SCN8A: variants seen among roughly 807,000 people sequenced by gnomAD.
SCN8A encodes the protein sodium voltage-gated channel alpha subunit 8, also known as sodium channel protein type 8 subunit alpha.
SCN8A carries 30 observed loss-of-function variants against 184.1 expected under a neutral mutation model. The observed-to-expected ratio is 0.16, with a 90% CI of 0.12 to 0.22. The LOEUF (loss-of-function observed/expected upper bound fraction) is 0.22, where lower values mean the gene tolerates loss of function less well. Among genes scored for constraint, SCN8A ranks in the 10% least tolerant of loss-of-function variants. The pLI, the probability that SCN8A is intolerant of heterozygous loss-of-function variation, is 1.00. For missense variants in SCN8A, 1,057 were observed against 2,498.9 expected, an observed-to-expected ratio of 0.42 and a Z score of 12.30; for synonymous variants, 852 against 907.0, an observed-to-expected ratio of 0.94 and a Z score of 1.09.
At chr12:51,766,095 A>C in intron 16 of SCN8A, 68 bp downstream of exon 16, 1 of 1,253,252 alleles carries the variant, frequency 8.0e-7, no homozygotes, top group Non-Finnish European at 1.2e-6. Flanking sequence ...CAGAAGCCCA[A>C]GTCCTTCTAC....
intron 1 of SCN8A, among the ~76,000 whole-genome samples, chr12:51,649,551 G>A (rs950843185): frequency 3.3e-5 from 5 of 152,270 alleles, no homozygotes; most frequent in East Asian, 1.9e-4. Flanking sequence ...CTGTGCCCTC[G>A]CAGGCTCAAC....
At chr12:51,678,632 G>A (rs1415618395) in intron 2 of SCN8A, among the ~76,000 whole-genome samples, 3 of 152,206 alleles carry the variant, frequency 2.0e-5, no homozygotes. Context: ...TTAGGCAGAG[G>A]CAGGGAAGAA....
In SCN8A at chr12:51,721,634, G is replaced by C. The variant is rs1407283442; in HGVS notation, c.1724G>C (p.Arg575Pro). Reference sequence around the variant, plus strand: ...AGTTTCAGGGGACCTGGGCGGTTCCGAGACCCGGGCTCCGAGAATGAGTTC... The same window carrying C: ...AGTTTCAGGGGACCTGGGCGGTTCCCAGACCCGGGCTCCGAGAATGAGTTC... ...IFSFRGPGRF[R>P]DPGSENEFAD... The change falls in exon 12 of 27, where the codon CGA (arginine) becomes CCA (proline). Residue 575 changes from arginine to proline, a missense_variant. This residue lies in a region of SCN8A where 322 missense variants were observed against 390.1 expected (regional missense o/e 0.83). Transcript: ENST00000627620. The C allele has an allele frequency of 1.2e-6, 2 of 1,612,420 alleles. No homozygotes were observed. The highest frequency in any genetic ancestry group is 2.7e-5 in the African/African-American group (2 of 75,032).
At chr12:51,662,322 A>G (rs1215405070) in intron 1 of SCN8A, among the ~76,000 whole-genome samples, 3 of 152,198 alleles carry the variant, frequency 2.0e-5, no homozygotes, top group African/African-American at 2.4e-5. Context: ...AAGAATGACA[A>G]TTTATCCTCA....
chr12:51,660,277 G>A (rs1243606868), intron 1 of SCN8A, among the ~76,000 whole-genome samples: 2 of 152,230 alleles, frequency 1.3e-5, no homozygotes, highest in Non-Finnish European at 2.9e-5. Context: ...AAGACAGGAA[G>A]AAACAGGATC....
intron 1 of SCN8A, among the ~76,000 whole-genome samples, chr12:51,639,876 A>T (rs1187697340): frequency 1.8e-4 from 5 of 28,378 alleles, no homozygotes; most frequent in African/African-American, 2.3e-4. Flanking sequence ...ATTAAGGTAT[A>T]TGCTTTTTTT....
At chr12:51,801,500 A>G (rs1041753679) in intron 26 of SCN8A, among the ~76,000 whole-genome samples, 1 of 152,134 alleles carries the variant, frequency 6.6e-6, no homozygotes, top group Non-Finnish European at 1.5e-5. Flanking sequence ...CCCTTCCTCT[A>G]CATTAAACCA....
At chr12:51,704,876 G>A (rs866105019) in intron 9 of SCN8A, among the ~76,000 whole-genome samples, 2 of 152,168 alleles carry the variant, frequency 1.3e-5, no homozygotes, top group African/African-American at 4.8e-5. Context: ...TCGGGAGGCT[G>A]AGGCAGGAGA....
rs1942902230 is a variant in SCN8A at position 51,770,112 on chromosome 12, A to G, written c.3490+127A>G. ...CTTCAAGAACTTTGCTCCCCACCCC[A>G]CCATTTTGAAGGAAACTTAGATTGT... On this transcript the variant is annotated intron_variant, in intron 18 of 26. Coordinates refer to ENST00000627620, the MANE Select transcript of SCN8A (RefSeq NM_001330260.2). The G allele has an allele frequency of 3.0e-5, 20 of 670,542 alleles. 2 individuals carry two copies. In the South Asian group the frequency reaches 3.5e-4, roughly 12 times the overall value. 41.5% of individuals were successfully genotyped at this position (670,542 alleles called of 1,614,324 possible).
chr12:51,780,789 G>C lies in SCN8A; in HGVS notation c.3942+18G>C, dbSNP rs1937894991. The C allele has an allele frequency of 6.4e-7, 1 of 1,566,330 alleles. No homozygotes were observed. The highest frequency in any genetic ancestry group is 8.6e-7 in the Non-Finnish European group (1 of 1,164,040). On this transcript the variant is annotated intron_variant, in intron 21 of 26. Transcript: ENST00000627620. ...GGATGAGGGTAAGATACTAAGAGCA[G>C]CTGATCCTTCTGCATGCCAGTGGAA...
intron 1 of SCN8A, among the ~76,000 whole-genome samples, chr12:51,614,784 C>T (rs1382668885): frequency 6.3e-5 from 9 of 142,428 alleles, no homozygotes; most frequent in Non-Finnish European, 7.6e-5. Context: ...ACTGTATGTT[C>T]TTTTTTTTTT....
intron 1 of SCN8A, among the ~76,000 whole-genome samples, chr12:51,646,620 T>C (rs1298730090): frequency 6.6e-6 from 1 of 152,152 alleles, no homozygotes; most frequent in East Asian, 1.9e-4. Flanking sequence ...GCAGGAAAAA[T>C]TGTTTGCATC....
intron 1 of SCN8A, among the ~76,000 whole-genome samples, chr12:51,636,537 G>GA (rs749473528): frequency 5.9e-5 from 9 of 152,156 alleles, no homozygotes; most frequent in Non-Finnish European, 1.2e-4. Flanking sequence ...TAGAAAGGTG[G>GA]AGAACAGAAA....
chr12:51,631,170 C>G (rs761201128), intron 1 of SCN8A, among the ~76,000 whole-genome samples: 15 of 152,186 alleles, frequency 9.9e-5, no homozygotes, highest in Non-Finnish European at 1.9e-4. Flanking sequence ...GGCTCCCTCC[C>G]TCTGTGGGAA....
Position 51,810,372 on chromosome 12 carries a change from C to G in SCN8A, c.*2943C>G. On this transcript the variant is annotated 3_prime_UTR_variant, in exon 27 of 27. Transcript: ENST00000627620. ...CTTTGGTAGTAAATGACACCATCACCAGCAGTTTACACCCGCAGTTAACAG... is the reference window on the plus strand; with the variant it reads ...CTTTGGTAGTAAATGACACCATCACGAGCAGTTTACACCCGCAGTTAACAG... The G allele has an allele frequency of 2.3e-6, 1 of 426,092 alleles. No homozygotes were observed. The highest frequency in any genetic ancestry group is 4.7e-6 in the Non-Finnish European group (1 of 212,294). 26.4% of individuals were successfully genotyped at this position (426,092 alleles called of 1,614,324 possible).
chr12:51,633,976 T>C (rs1033991681), intron 1 of SCN8A, among the ~76,000 whole-genome samples: 3 of 152,216 alleles, frequency 2.0e-5, no homozygotes, highest in African/African-American at 7.2e-5. Flanking sequence ...AAGAGAAACT[T>C]ATGTGGGCAC....
At chr12:51,649,421 C>A (rs1324079409) in intron 1 of SCN8A, among the ~76,000 whole-genome samples, 1 of 152,248 alleles carries the variant, frequency 6.6e-6, no homozygotes, top group Non-Finnish European at 1.5e-5. Context: ...CTCTACACTG[C>A]CCTAGCAGAG....
rs531796685 is a variant in SCN8A at position 51,662,900 on chromosome 12, G to A, written c.83G>A (p.Arg28His). Residue 28 changes from arginine to histidine, a missense_variant, in exon 2 of 27, where the codon CGC (arginine) becomes CAC (histidine). Physicochemically the swap from Arg to His is conservative, Grantham distance 29. Coordinates refer to ENST00000627620, the MANE Select transcript of SCN8A (RefSeq NM_001330260.2). ...TPESLANIER[R>H]IAESKLKKPP... ...GAGTCACTGGCAAACATTGAGAGGC[G>A]CATTGCTGAGAGCAAGCTCAAGAAA... The A allele has an allele frequency of 2.2e-5, 36 of 1,613,994 alleles. No homozygotes were observed. Among genetic ancestry groups the A allele is most frequent in the East Asian group, 4.5e-5 (2 of 44,876 alleles).
intron 1 of SCN8A, among the ~76,000 whole-genome samples, chr12:51,654,654 TG>T (rs1377815787): frequency 1.3e-5 from 2 of 152,188 alleles, no homozygotes; most frequent in African/African-American, 4.8e-5. Flanking sequence ...TTTTCAAGTA[TG>T]AGACAAGATC....
Sources: allele counts gnomAD v4.1 joint callset (sites outside exome capture counted in the v4.1 genomes callset), GRCh38; gene constraint gnomAD v4.1.1; regional missense constraint gnomAD v4.1.1; transcripts MANE v1.5; gene names NCBI Gene and HGNC (gene_info 2026-07-23, HGNC 2026-07-21).